The following FKBP15 variants were observed in gnomAD, a reference collection of about 807,000 sequenced individuals.
The protein encoded by FKBP15 is FK506-binding protein 15.
Under a neutral mutation model 158.1 loss-of-function variants are expected in FKBP15, and 106 were observed. The ratio of observed to expected loss-of-function variants is 0.67; its 90% CI spans 0.57 to 0.79. FKBP15 has a LOEUF of 0.79. FKBP15 is among the 30% of genes least tolerant of loss of function. FKBP15 has a pLI of 0.00. For synonymous variants in FKBP15, 547 were observed against 548.6 expected, an observed-to-expected ratio of 1.00 and a Z score of 0.04; for missense variants, 1,287 against 1,479.1, an observed-to-expected ratio of 0.87 and a Z score of 2.13.
intron 27 of FKBP15, among the ~76,000 whole-genome samples, chr9:113,167,264 T>A (rs1233424920): frequency 6.6e-6 from 1 of 152,208 alleles, no homozygotes; most frequent in Non-Finnish European, 1.5e-5. Context: ...ATTGGATTAG[T>A]AGATTAAATG....
rs1242314254 is a variant in FKBP15, at chr9:113,202,945, T to C, written c.399+16A>G. The C allele has an allele frequency of 3.1e-6, 5 of 1,598,612 alleles. No homozygotes were observed. The African/African-American group carries it at 5.4e-5, about 17-fold the overall frequency. On this transcript the variant is annotated intron_variant, in intron 5 of 27. Coordinates refer to ENST00000238256, the MANE Select transcript of FKBP15 (RefSeq NM_015258.2). Reference sequence around the variant, plus strand: ...ATCCCGAAGGAGCTAATGATTCCAATATGATGAAGTCTTACCATTAGCTCA... The same window carrying C: ...ATCCCGAAGGAGCTAATGATTCCAACATGATGAAGTCTTACCATTAGCTCA...
chr9:113,191,525 A>T (rs778330284), intron 11 of FKBP15, among the ~76,000 whole-genome samples: 1 of 151,762 alleles, frequency 6.6e-6, no homozygotes, highest in Non-Finnish European at 1.5e-5. Flanking sequence ...AGTTGGATAC[A>T]TCAGGAAAGG....
At chr9:113,214,174 T>C (rs1831073847) in intron 1 of FKBP15, among the ~76,000 whole-genome samples, 1 of 152,196 alleles carries the variant, frequency 6.6e-6, no homozygotes, top group East Asian at 1.9e-4. Flanking sequence ...TCTATATTTT[T>C]TGTAGAGACA....
chr9:113,199,889 G>A lies in FKBP15; in HGVS notation c.573C>T (p.Gly191=), dbSNP rs760738296. The A allele has an allele frequency of 1.2e-6, 2 of 1,613,300 alleles. No individual in the cohort carries two copies. The highest frequency in any genetic ancestry group is 1.7e-6 in the Non-Finnish European group (2 of 1,179,644). ...VLSQDLIVAD[G]PAVEVGDSLE... ...AAGAATCTCCAACTTCTACAGCAGGGCCGTCTGCCACAATGAGGTCCTGGG... is the reference window on the plus strand; with the variant it reads ...AAGAATCTCCAACTTCTACAGCAGGACCGTCTGCCACAATGAGGTCCTGGG... Residue 191 remains glycine, a synonymous_variant, in exon 7 of 28, where the codon GGC becomes GGT. Coordinates refer to ENST00000238256, the MANE Select transcript of FKBP15 (RefSeq NM_015258.2).
chr9:113,161,860 T>A lies in FKBP15; in HGVS notation c.*4218A>T. The A allele has an allele frequency of 1.3e-6, 1 of 768,078 alleles. No individual in the cohort carries two copies. Among genetic ancestry groups the A allele is most frequent in the Non-Finnish European group, 2.2e-6 (1 of 446,330 alleles). The allele number at this position is 768,078 out of a possible 1,614,324, so 47.6% of individuals were successfully genotyped here. A position where few individuals can be genotyped will look rare whatever the true frequency, so the allele number is the denominator to read the frequency against. Reference sequence around the variant, plus strand: ...TACACATAGCCAAGTGAACTAGAGCTCATGTCTCCTGATGCCCAGGCCAAA... The same window carrying A: ...TACACATAGCCAAGTGAACTAGAGCACATGTCTCCTGATGCCCAGGCCAAA... On this transcript the variant is annotated 3_prime_UTR_variant, in exon 28 of 28. Transcript: ENST00000238256.
chr9:113,191,287 C>T (rs984741163), intron 11 of FKBP15, among the ~76,000 whole-genome samples: 2 of 151,950 alleles, frequency 1.3e-5, no homozygotes, highest in Non-Finnish European at 2.9e-5. Context: ...GTCTTCCCAC[C>T]CCAGCCTCCC....
chr9:113,202,273 A>AT (rs1350821071), intron 6 of FKBP15, among the ~76,000 whole-genome samples: 2 of 152,144 alleles, frequency 1.3e-5, no homozygotes, highest in East Asian at 3.8e-4. Context: ...GTAGTAGAAA[A>AT]TTTTTTAATA....
Position 113,161,870 on chromosome 9 carries a change from T to C in FKBP15, c.*4208A>G. Reference sequence around the variant, plus strand: ...CAAGTGAACTAGAGCTCATGTCTCCTGATGCCCAGGCCAAAGCACTCTGTG... The same window carrying C: ...CAAGTGAACTAGAGCTCATGTCTCCCGATGCCCAGGCCAAAGCACTCTGTG... On this transcript the variant is annotated 3_prime_UTR_variant, in exon 28 of 28. Transcript: ENST00000238256. 1 of 744,026 alleles carries C rather than the reference T, an allele frequency of 1.3e-6. No individual in the cohort carries two copies. Among genetic ancestry groups the C allele is most frequent in the Non-Finnish European group, 2.3e-6 (1 of 425,850 alleles). The allele number at this position is 744,026 out of a possible 1,614,324, so 46.1% of individuals were successfully genotyped here. A position where few individuals can be genotyped will look rare whatever the true frequency, so the allele number is the denominator to read the frequency against.
At chr9:113,211,121 C>T (rs891954589) in intron 2 of FKBP15, among the ~76,000 whole-genome samples, 1 of 152,146 alleles carries the variant, frequency 6.6e-6, no homozygotes, top group African/African-American at 2.4e-5. Flanking sequence ...ATTCTATTAG[C>T]TCTGTCCCTC....
chr9:113,192,371 A>G (rs1441030961), intron 11 of FKBP15, among the ~76,000 whole-genome samples: 3 of 152,190 alleles, frequency 2.0e-5, no homozygotes, highest in Non-Finnish European at 2.9e-5. Context: ...CAATAGGTGA[A>G]GGCCACAGGG....
At chr9:113,171,435 A>G (rs946367345) in intron 24 of FKBP15, 146 bp downstream of exon 24, 11 of 1,106,692 alleles carry the variant, frequency 9.9e-6, no homozygotes, top group Non-Finnish European at 1.4e-5. Flanking sequence ...AAACAAACAA[A>G]CACCAAATCT....
At chr9:113,177,985 AT>A (rs202168159) in intron 20 of FKBP15, among the ~76,000 whole-genome samples, 2 of 151,994 alleles carry the variant, frequency 1.3e-5, no homozygotes, top group South Asian at 2.1e-4. Flanking sequence ...GAGATAAAGG[AT>A]TTTTTTTTAA....
Position 113,204,519 on chromosome 9 carries a change from T to G in FKBP15, c.325-1484A>C, listed in dbSNP as rs545680356. 2.6e-5 allele frequency among the ~76,000 whole-genome samples: 4 copies of G among 152,374 alleles called. No homozygotes were observed. In the South Asian group the frequency reaches 8.3e-4, roughly 32 times the overall value. On this transcript the variant is annotated intron_variant, in intron 4 of 27. Transcript: ENST00000238256. ...TGCCTTCATTTTTGAAGGATATTTT[T>G]GTTGCTATAGAATTCTGTAATAGGC...
At position 113,169,387 on chromosome 9, in the gene FKBP15, G is replaced by A; in HGVS notation, c.3322C>T (p.Leu1108=). The A allele has an allele frequency of 6.2e-7, 1 of 1,614,056 alleles. No individual in the cohort carries two copies. Among genetic ancestry groups the A allele is most frequent in the Non-Finnish European group, 8.5e-7 (1 of 1,179,894 alleles). Residue 1108 remains leucine, a synonymous_variant, in exon 26 of 28, where the codon CTG becomes TTG. Transcript: ENST00000238256. ...LTSDPEEGDP[L]ALGPESPGEP... ...CCTGGGCTTTCAGGCCCTAAGGCCA[G>A]TGGGTCCCCCTCCTCGGGGTCTGAA... is the stretch of plus-strand genomic sequence containing the variant.
At chr9:113,209,623 A>G (rs78005230) in intron 2 of FKBP15, among the ~76,000 whole-genome samples, 9,964 of 152,300 alleles carry the variant, frequency 0.065, 533 homozygotes, top group East Asian at 0.24. Flanking sequence ...ACTGCTCCCA[A>G]ATCCCTTGTA....
At position 113,164,854 on chromosome 9, in the gene FKBP15, G is replaced by A. The variant is rs1309530608; in HGVS notation, c.*1224C>T. On this transcript the variant is annotated 3_prime_UTR_variant, in exon 28 of 28. Transcript: ENST00000238256. ...GGTTGCTGGAGATAAGCCAGTCTGT[G>A]AAAGTGCCAAACAGCACCGCCTTTT... 1 of 152,196 alleles carries A rather than the reference G, an allele frequency of 6.6e-6. No individual in the cohort carries two copies. The highest frequency in any genetic ancestry group is 2.4e-5 in the African/African-American group (1 of 41,440). 9.4% of individuals were successfully genotyped at this position (152,196 alleles called of 1,614,324 possible). A position where few individuals can be genotyped will look rare whatever the true frequency, so the allele number is the denominator to read the frequency against.
chr9:113,187,763 G>T, intron 14 of FKBP15, 30 bp downstream of exon 14: 3 of 1,492,904 alleles, frequency 2.0e-6, no homozygotes, highest in Non-Finnish European at 2.8e-6. Context: ...CAAATTATAG[G>T]ATATAATTAA....
chr9:113,161,284 C>A lies in FKBP15; in HGVS notation c.*4794G>T. ...GGGTAATGGTACGTGGCTTCTTCAC[C>A]CTCAGCCCCTGGATTTTTCAGGTGG... On this transcript the variant is annotated 3_prime_UTR_variant, in exon 28 of 28. Coordinates refer to ENST00000238256, the MANE Select transcript of FKBP15 (RefSeq NM_015258.2). 1.8e-6 allele frequency: 1 copy of A among 543,144 alleles called. No homozygotes were observed. The highest frequency in any genetic ancestry group is 3.2e-6 in the Non-Finnish European group (1 of 309,280). The allele number at this position is 543,144 out of a possible 1,614,324, so 33.6% of individuals were successfully genotyped here.
Position 113,169,876 on chromosome 9 carries a change from C to T in FKBP15, c.2833G>A (p.Glu945Lys). ...EKEESSSEEEEEKAEERPRRP... is the reference protein window; with the variant it reads ...EKEESSSEEEKEKAEERPRRP... Reference sequence around the variant, plus strand: ...CGTGGCCGCTCTTCTGCTTTTTCTTCTTCTTCTTCACTGCTGCTCTCTTCC... The same window carrying T: ...CGTGGCCGCTCTTCTGCTTTTTCTTTTTCTTCTTCACTGCTGCTCTCTTCC... Residue 945 changes from glutamate (E) to lysine (K), a missense_variant, in exon 26 of 28, where the codon GAA becomes AAA. Transcript: ENST00000238256. 2 of 1,550,864 alleles carry T rather than the reference C, an allele frequency of 1.3e-6. No individual in the cohort carries two copies. Among genetic ancestry groups the T allele is most frequent in the African/African-American group, 1.4e-5 (1 of 73,124 alleles).
Sources: gnomAD v4.1 joint callset for allele counts (sites outside exome capture counted in the v4.1 genomes callset) on GRCh38, gnomAD v4.1.1 for gene constraint, MANE v1.5 for transcripts, NCBI Gene and HGNC (gene_info 2026-07-23, HGNC 2026-07-21) for gene names.